Variants in PPP1R3B observed in about 807,000 individuals in gnomAD.
The protein encoded by PPP1R3B is PP1 subunit R4.
PPP1R3B carries 8 observed loss-of-function variants against 14.6 expected under a neutral mutation model. That is an observed-to-expected ratio of 0.55 (90% CI 0.32 to 0.99). The LOEUF is 0.99. Among genes scored for constraint, PPP1R3B ranks in the 50% least tolerant of loss-of-function variants. PPP1R3B has a pLI of 0.04. For synonymous variants in PPP1R3B, 169 were observed against 142.0 expected, an observed-to-expected ratio of 1.19 and a Z score of -1.35; for missense variants, 452 against 360.1, an observed-to-expected ratio of 1.26 and a Z score of -2.07.
At chr8:9,147,086 G>A (rs1801263361) in intron 1 of PPP1R3B, among the ~76,000 whole-genome samples, 1 of 151,834 alleles carries the variant, frequency 6.6e-6, no homozygotes. Context: ...GGGTTCAAGC[G>A]ATTCTCCTGC....
chr8:9,150,329 G>C (rs753038489), intron 1 of PPP1R3B, among the ~76,000 whole-genome samples: 1 of 152,174 alleles, frequency 6.6e-6, no homozygotes, highest in Non-Finnish European at 1.5e-5. Flanking sequence ...TGCTCTGACA[G>C]GCCCCAAATC....
chr8:9,144,860 C>T (rs1164926059), intron 1 of PPP1R3B, among the ~76,000 whole-genome samples: 4 of 152,172 alleles, frequency 2.6e-5, no homozygotes, highest in Non-Finnish European at 5.9e-5. Context: ...ATTCTCCTGC[C>T]TTAGCCTTTC....
At position 9,141,276 on chromosome 8, in the gene PPP1R3B, TTC is replaced by T; in HGVS notation, c.374_375del (p.Arg125LysfsTer11). 7 of 1,614,164 alleles carry T rather than the reference TTC, an allele frequency of 4.3e-6. No individual in the cohort carries two copies. The highest frequency in any genetic ancestry group is 5.9e-6 in the Non-Finnish European group (7 of 1,180,032). The part of the protein sequence containing the change: ...SQPSADYLDF[R>X]NRLQADHVCL... ...CAGACGTGGTCGGCCTGAAGTCGAT[TTC>T]TAAAGTCTAAGTAATCTGCAGAGGG... On this transcript the variant is annotated frameshift_variant, in exon 2 of 2. Transcript: ENST00000310455. LOFTEE classifies it high-confidence loss of function.
intron 1 of PPP1R3B, among the ~76,000 whole-genome samples, chr8:9,143,282 A>G (rs1801144445): frequency 6.6e-6 from 1 of 152,248 alleles, no homozygotes; most frequent in South Asian, 2.1e-4. Flanking sequence ...TCCCACAAAT[A>G]GGGATTGGGT....
At chr8:9,147,500 A>T (rs147118717) in intron 1 of PPP1R3B, among the ~76,000 whole-genome samples, 1 of 152,128 alleles carries the variant, frequency 6.6e-6, no homozygotes, top group East Asian at 1.9e-4. Flanking sequence ...CCAGCCTCCT[A>T]CGTGCTTTTT....
At chr8:9,151,024 T>C (rs559999583), upstream of PPP1R3B, among the ~76,000 whole-genome samples, 309 of 152,200 alleles carry the variant, frequency 2.0e-3, no homozygotes, top group African/African-American at 6.7e-3. Flanking sequence ...CTTGTGCTAG[T>C]TTCGAAGCCA....
rs1236400092 is a variant in PPP1R3B at position 9,137,575 on chromosome 8, C to T, written c.*3219G>A. ...GGAGAGAATACATCAGCGCAGCTCC[C>T]GAGGCCTTCTGAGAATTTCACGGGA... On this transcript the variant is annotated 3_prime_UTR_variant, in exon 2 of 2. Coordinates refer to ENST00000310455, the MANE Select transcript of PPP1R3B (RefSeq NM_024607.4). 6 of 152,274 alleles carry T rather than the reference C, an allele frequency of 3.9e-5. No homozygotes were observed. Among genetic ancestry groups the T allele is most frequent in the Admixed American group, 1.3e-4 (2 of 15,272 alleles). 9.4% of individuals were successfully genotyped at this position (152,274 alleles called of 1,614,324 possible).
rs957669880 is a variant in PPP1R3B at position 9,138,998 on chromosome 8, A to C, written c.*1796T>G. The C allele has an allele frequency of 6.6e-6, 1 of 152,228 alleles. No homozygotes were observed. The highest frequency in any genetic ancestry group is 1.5e-5 in the Non-Finnish European group (1 of 68,072). 9.4% of individuals were successfully genotyped at this position (152,228 alleles called of 1,614,324 possible). ...CAGTGACGTGATCTCGGCTCACTGC[A>C]ACCTCCACCTCCTGGGTTCAAGTGA... On this transcript the variant is annotated 3_prime_UTR_variant, in exon 2 of 2. Coordinates refer to ENST00000310455, the MANE Select transcript of PPP1R3B (RefSeq NM_024607.4).
At chr8:9,149,513 A>C (rs1056588864) in intron 1 of PPP1R3B, among the ~76,000 whole-genome samples, 19 of 152,216 alleles carry the variant, frequency 1.2e-4, no homozygotes, top group Non-Finnish European at 2.1e-4. Flanking sequence ...CAAAACAAAC[A>C]AACAAAACCA....
chr8:9,149,155 T>C (rs1186763282), intron 1 of PPP1R3B, among the ~76,000 whole-genome samples: 1 of 120,874 alleles, frequency 8.3e-6, no homozygotes, highest in Non-Finnish European at 1.6e-5. Flanking sequence ...ATGGCGCCAC[T>C]GCAGTCCAGC....
chr8:9,143,153 C>T (rs918060529), intron 1 of PPP1R3B, among the ~76,000 whole-genome samples: 1 of 152,194 alleles, frequency 6.6e-6, no homozygotes, highest in Non-Finnish European at 1.5e-5. Flanking sequence ...CTTTTCTCCA[C>T]GTCTTTGCCA....
chr8:9,147,318 C>T (rs532021129), intron 1 of PPP1R3B, among the ~76,000 whole-genome samples: 7 of 152,082 alleles, frequency 4.6e-5, no homozygotes, highest in South Asian at 2.1e-4. Context: ...TAAACAAGTA[C>T]GAAAACCAAA....
Position 9,140,968 on chromosome 8 carries a change from C to T in PPP1R3B, c.684G>A (p.Lys228=). 2 of 1,614,128 alleles carry T rather than the reference C, an allele frequency of 1.2e-6. No individual in the cohort carries two copies. Among genetic ancestry groups the T allele is most frequent in the Non-Finnish European group, 1.7e-6 (2 of 1,179,964 alleles). The part of the protein sequence containing the change: ...GQTYWDSNRG[K]NYRIIRAELK... Reference sequence around the variant, plus strand: ...ACTCAGCCCGGATGATCCTATAGTTCTTGCCTCTGTTGCTGTCCCAGTACG... The same window carrying T: ...ACTCAGCCCGGATGATCCTATAGTTTTTGCCTCTGTTGCTGTCCCAGTACG... Residue 228 remains lysine (K), a synonymous_variant, in exon 2 of 2, where the codon AAG becomes AAA. Transcript: ENST00000310455.
intron 1 of PPP1R3B, among the ~76,000 whole-genome samples, chr8:9,148,822 T>A (rs1801320286): frequency 1.3e-5 from 2 of 152,152 alleles, no homozygotes; most frequent in South Asian, 4.1e-4. Flanking sequence ...AGGGAGGAAA[T>A]CTTTTTTGTA....
At chr8:9,148,840 CACG>C (rs1801321424) in intron 1 of PPP1R3B, among the ~76,000 whole-genome samples, 2 of 152,150 alleles carry the variant, frequency 1.3e-5, no homozygotes, top group African/African-American at 4.8e-5. Flanking sequence ...GTATCAGGGC[CACG>C]ACATTATCCC....
chr8:9,136,752 A>T lies in PPP1R3B; in HGVS notation c.*4042T>A, dbSNP rs1800902899. The T allele has an allele frequency of 1.3e-5, 2 of 152,220 alleles. No homozygotes were observed. The highest frequency in any genetic ancestry group is 4.8e-5 in the African/African-American group (2 of 41,450). 9.4% of individuals were successfully genotyped at this position (152,220 alleles called of 1,614,324 possible). ...AACTTCTTGTCTCCGATTTCAGTGA[A>T]CATGTCAGGAGAGACGTGATCGGGA... On this transcript the variant is annotated 3_prime_UTR_variant, in exon 2 of 2. Transcript: ENST00000310455.
intron 1 of PPP1R3B, among the ~76,000 whole-genome samples, chr8:9,148,914 G>T (rs1437468793): frequency 6.6e-6 from 1 of 152,186 alleles, no homozygotes; most frequent in Non-Finnish European, 1.5e-5. Context: ...AAGGCCGGGC[G>T]TGGTGGCTCA....
chr8:9,136,850 C>G lies in PPP1R3B; in HGVS notation c.*3944G>C, dbSNP rs1800905980. ...ATAAAAGGCAACCAAGGTTTTCATCCCCTATCCATTGAGAGGGAAGATCCA... is the reference window on the plus strand; with the variant it reads ...ATAAAAGGCAACCAAGGTTTTCATCGCCTATCCATTGAGAGGGAAGATCCA... On this transcript the variant is annotated 3_prime_UTR_variant, in exon 2 of 2. Transcript: ENST00000310455. 3 of 152,276 alleles carry G rather than the reference C, an allele frequency of 2.0e-5. No homozygotes were observed. The East Asian group carries it at 5.8e-4, about 29-fold the overall frequency. 9.4% of individuals were successfully genotyped at this position (152,276 alleles called of 1,614,324 possible).
Position 9,136,312 on chromosome 8 carries a change from TA to T in PPP1R3B, c.*4481del, listed in dbSNP as rs1800887373. On this transcript the variant is annotated 3_prime_UTR_variant, in exon 2 of 2. Coordinates refer to ENST00000310455, the MANE Select transcript of PPP1R3B (RefSeq NM_024607.4). ...TTTTGAGATACAAACCAACCTCTCA[TA>T]CCACACAAAGAACATCCATTCTTGG... The T allele has an allele frequency of 2.6e-5, 4 of 152,244 alleles. No homozygotes were observed. Among genetic ancestry groups the T allele is most frequent in the Non-Finnish European group, 4.4e-5 (3 of 68,030 alleles). The allele number at this position is 152,244 out of a possible 1,614,324, so 9.4% of individuals were successfully genotyped here. A position where few individuals can be genotyped will look rare whatever the true frequency, so the allele number is the denominator to read the frequency against.
Sources: gnomAD v4.1 joint callset for allele counts (sites outside exome capture counted in the v4.1 genomes callset) on GRCh38, gnomAD v4.1.1 for gene constraint, MANE v1.5 for transcripts, NCBI Gene and HGNC (gene_info 2026-07-23, HGNC 2026-07-21) for gene names.